NWD1: variants seen among roughly 807,000 people sequenced by gnomAD.
NWD1 encodes the protein NACHT and WD repeat domain containing 1, also known as NACHT domain- and WD repeat-containing protein 1.
In NWD1, 129 loss-of-function variants were observed where a neutral mutation model predicts 135.1. The ratio of observed to expected loss-of-function variants is 0.96; its 90% CI spans 0.83 to 1.11. The LOEUF (loss-of-function observed/expected upper bound fraction) is 1.11. NWD1 is among the 50% of genes least tolerant of loss of function. NWD1 has a pLI of 0.00. For synonymous variants in NWD1, 773 were observed against 786.0 expected (o/e 0.98, Z 0.28); for missense variants, 1,740 against 1,851.3 (o/e 0.94, Z 1.10).
intron 12 of NWD1, among the ~76,000 whole-genome samples, chr19:16,785,556 A>C (rs977765697): frequency 1.3e-5 from 2 of 149,662 alleles, no homozygotes; most frequent in Admixed American, 6.6e-5. Flanking sequence ...CAAAATTTAA[A>C]AAATTAACGT....
intron 15 of NWD1, among the ~76,000 whole-genome samples, chr19:16,796,575 A>G (rs906615123): frequency 6.6e-6 from 1 of 152,154 alleles, no homozygotes; most frequent in African/African-American, 2.4e-5. Flanking sequence ...ACCCATTCCT[A>G]TCTGCCTAGG....
chr19:16,797,612 T>C, intron 15 of NWD1, 120 bp from the exon 16 acceptor site: 1 of 901,670 alleles, frequency 1.1e-6, no homozygotes. Context: ...CGTCCCAAAG[T>C]GCTGGGATTA....
At chr19:16,772,647 AAAAT>A (rs1045896805) in intron 10 of NWD1, among the ~76,000 whole-genome samples, 47 of 152,114 alleles carry the variant, frequency 3.1e-4, no homozygotes, top group African/African-American at 1.0e-3. Context: ...TTCCATCTCA[AAAAT>A]AAATAAATAA....
chr19:16,782,174 A>G (rs1368719307), intron 12 of NWD1, among the ~76,000 whole-genome samples: 2 of 151,514 alleles, frequency 1.3e-5, no homozygotes, highest in Non-Finnish European at 2.9e-5. Context: ...CATTTTATTT[A>G]ATTAATAAAA....
chr19:16,799,822 G>A (rs748951744), intron 16 of NWD1, 64 bp from the exon 17 acceptor site: 50 of 1,472,218 alleles, frequency 3.4e-5, no homozygotes, highest in African/African-American at 5.6e-5. Flanking sequence ...GGGCTGAAGC[G>A]TATTTCTGAA....
At chr19:16,745,236 A>T (rs1332064173) in intron 5 of NWD1, 7 of 352,668 alleles carry the variant, frequency 2.0e-5, no homozygotes, top group Non-Finnish European at 4.0e-5. Context: ...CGAGAACAGT[A>T]TGGGGGAAAC....
chr19:16,738,775 A>ATT (rs1438272041), intron 4 of NWD1, among the ~76,000 whole-genome samples: 6 of 61,832 alleles, frequency 9.7e-5, no homozygotes, highest in Non-Finnish European at 2.0e-4. Flanking sequence ...AATGATATAT[A>ATT]ATATATAATA....
At chr19:16,812,012 T>TCAAAAA (rs1970940574) in intron 18 of NWD1, among the ~76,000 whole-genome samples, 1 of 151,886 alleles carries the variant, frequency 6.6e-6, no homozygotes, top group South Asian at 2.1e-4. Flanking sequence ...CGAGATTCCA[T>TCAAAAA]CAAAAACAAA....
chr19:16,753,809 C>A (rs1324039522), intron 6 of NWD1, among the ~76,000 whole-genome samples: 1 of 150,500 alleles, frequency 6.6e-6, no homozygotes, highest in Non-Finnish European at 1.5e-5. Flanking sequence ...ATCCCTCCCT[C>A]CCTCCCTCCA....
intron 14 of NWD1, among the ~76,000 whole-genome samples, chr19:16,793,099 C>T (rs1970303597): frequency 6.6e-6 from 1 of 151,498 alleles, no homozygotes; most frequent in South Asian, 2.1e-4. Flanking sequence ...AAGAATCATC[C>T]CAAATCCCAA....
intron 4 of NWD1, among the ~76,000 whole-genome samples, chr19:16,739,342 A>T (rs1198183708): frequency 6.7e-6 from 1 of 150,050 alleles, no homozygotes; most frequent in South Asian, 2.1e-4. Flanking sequence ...AAAAAAAAAA[A>T]AAAAAAAAAA....
intron 6 of NWD1, among the ~76,000 whole-genome samples, chr19:16,753,374 G>A (rs1306846635): frequency 1.3e-5 from 2 of 152,184 alleles, no homozygotes; most frequent in East Asian, 3.8e-4. Flanking sequence ...TCTCACAGGG[G>A]TGGCGGGGGA....
rs138665378 is a variant in NWD1 at position 16,807,932 on chromosome 19, C to T, written c.4083C>T (p.Arg1361=). Residue 1361 remains arginine, a synonymous_variant, in exon 18 of 19, where the codon CGC becomes CGT. Transcript: ENST00000524140. ...LSSVAILTDY[R]VVYSMTNGDL... is the part of the protein sequence containing the mutation. ...GCGTGGCCATTCTGACGGACTACCG[C>T]GTGGTCTACAGCATGACCAATGGGG... 1.5e-5 allele frequency: 24 copies of T among 1,614,126 alleles called. No individual in the cohort carries two copies. Among genetic ancestry groups the T allele is most frequent in the Admixed American group, 8.3e-5 (5 of 60,010 alleles).
intron 2 of NWD1, 54 bp downstream of exon 2, chr19:16,724,517 G>A (rs1375886305): frequency 1.3e-5 from 2 of 152,120 alleles, no homozygotes; most frequent in Non-Finnish European, 2.9e-5. Flanking sequence ...TTGTGAAGAG[G>A]TTGGGCAGGA....
At chr19:16,776,951 AAG>A (rs1415073623) in intron 11 of NWD1, among the ~76,000 whole-genome samples, 2 of 140,520 alleles carry the variant, frequency 1.4e-5, no homozygotes, top group Admixed American at 1.5e-4. Context: ...GAAAAAAAAA[AAG>A]AAGAAGAAAA....
rs1971053437 is a variant in NWD1 at position 16,815,781 on chromosome 19, G to A, written c.*742G>A. On this transcript the variant is annotated 3_prime_UTR_variant, in exon 19 of 19. Transcript: ENST00000524140. ...AACTGGAGTTCTGGTACCAGATGAA[G>A]GGGGAACGGATGAATGTGAGATACA... 6.3e-6 allele frequency: 1 copy of A among 158,174 alleles called. No homozygotes were observed. The highest frequency in any genetic ancestry group is 6.1e-5 in the Admixed American group (1 of 16,374). 9.8% of individuals were successfully genotyped at this position (158,174 alleles called of 1,614,324 possible). A position where few individuals can be genotyped will look rare whatever the true frequency, so the allele number is the denominator to read the frequency against.
At chr19:16,735,089 T>C (rs1345978380) in intron 3 of NWD1, among the ~76,000 whole-genome samples, 1 of 152,042 alleles carries the variant, frequency 6.6e-6, no homozygotes, top group Non-Finnish European at 1.5e-5. Flanking sequence ...AACTTCTGAA[T>C]TTGGAATTTA....
chr19:16,792,897 A>G (rs1970296276), intron 14 of NWD1, among the ~76,000 whole-genome samples: 2 of 144,824 alleles, frequency 1.4e-5, no homozygotes, highest in South Asian at 4.3e-4. Context: ...AAAAAAAAAG[A>G]AAGGAATCAT....
chr19:16,736,674 C>CT lies in NWD1; in HGVS notation c.123dup (p.Asp42Ter). 1 of 1,536,198 alleles carries CT rather than the reference C, an allele frequency of 6.5e-7. No homozygotes were observed. Among genetic ancestry groups the CT allele is most frequent in the Non-Finnish European group, 8.7e-7 (1 of 1,146,870 alleles). On this transcript the variant is annotated frameshift_variant, in exon 4 of 19. Coordinates refer to ENST00000524140, the MANE Select transcript of NWD1 (RefSeq NM_001007525.5). LOFTEE classifies it high-confidence loss of function. ...TGGGGTATTCGGAACATTGAAGCCA[C>CT]TGACCACTTGACCACAGAACTCTGC...
Sources: allele counts gnomAD v4.1 joint callset (sites outside exome capture counted in the v4.1 genomes callset), GRCh38; gene constraint gnomAD v4.1.1; transcripts MANE v1.5; gene names NCBI Gene and HGNC (gene_info 2026-07-23, HGNC 2026-07-21).